Variants in CKAP5 observed in about 807,000 individuals in gnomAD.
CKAP5 encodes the protein cytoskeleton-associated protein 5.
CKAP5 carries 27 observed loss-of-function variants against 232.8 expected under a neutral mutation model. The ratio of observed to expected loss-of-function variants is 0.12; its 90% CI spans 0.09 to 0.16. The LOEUF (loss-of-function observed/expected upper bound fraction) is 0.16. Among genes scored for constraint, CKAP5 ranks in the 10% least tolerant of loss-of-function variants. CKAP5 has a pLI of 1.00. For missense variants in CKAP5, 1,838 were observed against 2,424.7 expected (o/e 0.76, Z 5.08); for synonymous variants, 785 against 841.1 (o/e 0.93, Z 1.16).
intron 3 of CKAP5, among the ~76,000 whole-genome samples, chr11:46,817,616 T>C (rs1939433288): frequency 6.6e-6 from 1 of 152,226 alleles, no homozygotes; most frequent in South Asian, 2.1e-4. Flanking sequence ...TTTATTGGTA[T>C]AATCTTTGAA....
chr11:46,771,754 T>C (rs904276298), intron 24 of CKAP5, among the ~76,000 whole-genome samples: 2 of 152,364 alleles, frequency 1.3e-5, no homozygotes, highest in Admixed American at 1.3e-4. Flanking sequence ...ACATAGATTT[T>C]TGTATGGATA....
chr11:46,800,769 G>GTAAAACA (rs982414641), intron 9 of CKAP5, among the ~76,000 whole-genome samples: 6 of 152,102 alleles, frequency 3.9e-5, no homozygotes, highest in Admixed American at 3.3e-4. Context: ...GGAAAACAAT[G>GTAAAACA]TAAAACACAT....
intron 13 of CKAP5, among the ~76,000 whole-genome samples, chr11:46,794,180 G>A (rs149200287): frequency 6.2e-4 from 95 of 152,330 alleles, no homozygotes; most frequent in African/African-American, 2.1e-3. Context: ...CATAAGCCTG[G>A]GGGCAGTGGC....
At chr11:46,817,141 G>T (rs1284274354) in intron 3 of CKAP5, among the ~76,000 whole-genome samples, 1 of 151,726 alleles carries the variant, frequency 6.6e-6, no homozygotes, top group East Asian at 1.9e-4. Context: ...AGAGAGACAG[G>T]GTCTTGTGCT....
chr11:46,743,918 A>G lies in CKAP5; in HGVS notation c.*105T>C. On this transcript the variant is annotated 3_prime_UTR_variant, in exon 44 of 44. Transcript: ENST00000529230. ...TCCCCCTAGCTCCACGGCATGATAC[A>G]TACAACCAGTTTGTATACACTAGGC... The G allele has an allele frequency of 7.0e-7, 1 of 1,429,584 alleles. No homozygotes were observed. Among genetic ancestry groups the G allele is most frequent in the Non-Finnish European group, 9.7e-7 (1 of 1,031,676 alleles). The allele number at this position is 1,429,584 out of a possible 1,614,324, so 88.6% of individuals were successfully genotyped here.
chr11:46,811,415 A>G (rs1392327263), intron 4 of CKAP5, among the ~76,000 whole-genome samples: 3 of 152,226 alleles, frequency 2.0e-5, no homozygotes, highest in Non-Finnish European at 4.4e-5. Context: ...TTTTTAAACA[A>G]ACTTTCTAGG....
chr11:46,768,122 C>G (rs1196679720), intron 26 of CKAP5, among the ~76,000 whole-genome samples: 2 of 151,840 alleles, frequency 1.3e-5, no homozygotes, highest in African/African-American at 4.8e-5. Context: ...AATAATTTTT[C>G]TCCCAAAATC....
chr11:46,755,735 C>T (rs1178619765), intron 35 of CKAP5, among the ~76,000 whole-genome samples: 2 of 151,682 alleles, frequency 1.3e-5, no homozygotes, highest in Non-Finnish European at 2.9e-5. Flanking sequence ...AGGAGATCAG[C>T]CTGGCCAACA....
chr11:46,780,146 G>A lies in CKAP5; in HGVS notation c.2433+48C>T, dbSNP rs111563531. The stretch of plus-strand genomic sequence containing the variant: ...CTACACCCAACAGTTTAGTCTTAAT[G>A]AGATTCTCAAGTCCACTAACAGATT... On this transcript the variant is annotated intron_variant, in intron 20 of 43. Coordinates refer to ENST00000529230, the MANE Select transcript of CKAP5 (RefSeq NM_001008938.4). 806 of 1,604,832 alleles carry A rather than the reference G, an allele frequency of 5.0e-4. 5 individuals carry two copies. The African/African-American group carries it at 9.1e-3, about 18-fold the overall frequency.
In CKAP5 at chr11:46,751,167, T is replaced by C; in HGVS notation, c.5411A>G (p.Gln1804Arg). 1 of 1,614,234 alleles carries C rather than the reference T, an allele frequency of 6.2e-7. No individual in the cohort carries two copies. The highest frequency in any genetic ancestry group is 1.3e-5 in the African/African-American group (1 of 75,060). Reference protein sequence around the residue: ...LCRMMKHSMDQTGSKSDKETE... With the variant: ...LCRMMKHSMDRTGSKSDKETE... Reference sequence around the variant, plus strand: ...TTCCTTATCAGACTTGCTCCCAGTCTGGTCCATACTGTGCTTCATCATCCG... The same window carrying C: ...TTCCTTATCAGACTTGCTCCCAGTCCGGTCCATACTGTGCTTCATCATCCG... Residue 1804 changes from glutamine to arginine, a missense_variant, in exon 40 of 44, where the codon CAG becomes CGG. Physicochemically the swap from Gln to Arg is conservative, Grantham distance 43 (BLOSUM62 1). Coordinates refer to ENST00000529230, the MANE Select transcript of CKAP5 (RefSeq NM_001008938.4).
At chr11:46,831,413 A>G (rs559862099) in intron 1 of CKAP5, among the ~76,000 whole-genome samples, 2 of 152,190 alleles carry the variant, frequency 1.3e-5, no homozygotes, top group South Asian at 2.1e-4. Flanking sequence ...TGTATACATG[A>G]TATCTCCTTT....
intron 18 of CKAP5, among the ~76,000 whole-genome samples, chr11:46,781,215 T>C (rs1432084517): frequency 6.6e-6 from 1 of 152,230 alleles, no homozygotes; most frequent in African/African-American, 2.4e-5. Flanking sequence ...AGGCTATCCT[T>C]GACTTTTTGA....
chr11:46,772,819 G>A (rs2065258776), intron 24 of CKAP5, among the ~76,000 whole-genome samples: 1 of 151,658 alleles, frequency 6.6e-6, no homozygotes, highest in Non-Finnish European at 1.5e-5. Context: ...TTGGCTCACT[G>A]CAACCTCTGC....
Position 46,756,833 on chromosome 11 carries a change from G to T in CKAP5, c.4690-1766C>A, listed in dbSNP as rs1189731011. ...TGCAATGGCACAATCTTGGCTCATA[G>T]CAACCTCCACCTCCCGGGTTCAAGC... On this transcript the variant is annotated intron_variant, in intron 35 of 43. Transcript: ENST00000529230. Among the ~76,000 whole-genome samples, 4 of 150,108 alleles carry T rather than the reference G, an allele frequency of 2.7e-5. No individual in the cohort carries two copies. In the Admixed American group the frequency reaches 2.7e-4, roughly 10 times the overall value.
At chr11:46,805,363 A>G (rs1481390779) in intron 8 of CKAP5, among the ~76,000 whole-genome samples, 1 of 152,236 alleles carries the variant, frequency 6.6e-6, no homozygotes, top group East Asian at 1.9e-4. Context: ...CAGGAATATC[A>G]TAAGAAATTT....
rs1450706422 is a variant in CKAP5, at chr11:46,760,351, C to T, written c.4394+261G>A. 4 of 616,450 alleles carry T rather than the reference C, an allele frequency of 6.5e-6. No individual in the cohort carries two copies. In the East Asian group the frequency reaches 1.0e-4, roughly 16 times the overall value. The allele number at this position is 616,450 out of a possible 1,614,324, so 38.2% of individuals were successfully genotyped here. On this transcript the variant is annotated intron_variant, in intron 33 of 43. Transcript: ENST00000529230. ...ATGAGAAATTAGCAGGCAGTACTTA[C>T]ATCCTATAAGTGCGATACATAATTC...
At position 46,784,605 on chromosome 11, in the gene CKAP5, A is replaced by T; in HGVS notation, c.2037T>A (p.Ala679=). Residue 679 remains alanine, a synonymous_variant, in exon 17 of 44, where the codon GCT becomes GCA. Transcript: ENST00000529230. ...AQKGNFSKTS[A]QVVLDGLVDK... is the part of the protein sequence containing the mutation. ...CCACAAGGCCATCTAATACAACCTG[A>T]GCTGACGTTTTGGAAAAATTTCCCT... 6.2e-7 allele frequency: 1 copy of T among 1,614,092 alleles called. No individual in the cohort carries two copies. The highest frequency in any genetic ancestry group is 8.5e-7 in the Non-Finnish European group (1 of 1,179,984).
At chr11:46,765,910 A>G (rs577193615) in intron 27 of CKAP5, among the ~76,000 whole-genome samples, 4 of 152,322 alleles carry the variant, frequency 2.6e-5, no homozygotes, top group Non-Finnish European at 4.4e-5. Flanking sequence ...ACTTAGTTTG[A>G]AAGCTTTTCT....
intron 22 of CKAP5, 88 bp downstream of exon 22, chr11:46,778,051 T>A: frequency 9.3e-7 from 1 of 1,073,610 alleles, no homozygotes; most frequent in Non-Finnish European, 1.3e-6. Flanking sequence ...TAACCACTTA[T>A]TTTTTGCAAG....
Sources: allele counts gnomAD v4.1 joint callset (sites outside exome capture counted in the v4.1 genomes callset), GRCh38; gene constraint gnomAD v4.1.1; transcripts MANE v1.5; gene names NCBI Gene and HGNC (gene_info 2026-07-23, HGNC 2026-07-21).